Variants in KIRREL3 observed in about 807,000 individuals in gnomAD.
KIRREL3 encodes the protein kirre like nephrin family adhesion molecule 3.
Under a neutral mutation model 89.7 loss-of-function variants are expected in KIRREL3, and 36 were observed. The ratio of observed to expected loss-of-function variants is 0.40; its 90% CI spans 0.31 to 0.53. The LOEUF (loss-of-function observed/expected upper bound fraction) is 0.53, where lower values mean the gene tolerates loss of function less well. Among genes scored for constraint, KIRREL3 ranks in the 20% least tolerant of loss-of-function variants. The probability of loss-of-function intolerance (pLI) is 0.49; values close to 1 mark genes in which losing one functional copy is unlikely to be tolerated. For missense variants in KIRREL3, 864 were observed against 1,056.6 expected, an observed-to-expected ratio of 0.82 and a Z score of 2.53; for synonymous variants, 445 against 441.4, an observed-to-expected ratio of 1.01 and a Z score of -0.10.
At chr11:126,849,540 G>A (rs1230361083) in intron 1 of KIRREL3, among the ~76,000 whole-genome samples, 2 of 152,190 alleles carry the variant, frequency 1.3e-5, no homozygotes, top group Non-Finnish European at 2.9e-5. Flanking sequence ...TTTGGGAAAG[G>A]AATGGGGTCC....
At position 126,890,776 on chromosome 11, in the gene KIRREL3, G is replaced by A. The variant is rs113740728; in HGVS notation, c.55+109679C>T. Among the ~76,000 whole-genome samples, 16 of 152,334 alleles carry A rather than the reference G, an allele frequency of 1.1e-4. No individual in the cohort carries two copies. Among genetic ancestry groups the A allele is most frequent in the African/African-American group, 3.8e-4 (16 of 41,574 alleles). On this transcript the variant is annotated intron_variant, in intron 1 of 16. Transcript: ENST00000525144. This position sits in a 1 kb window ranked among gnomAD's most constrained non-coding sequence, Gnocchi z 5.1. Reference sequence around the variant, plus strand: ...CAAACATGAGCGTCCCCCAGTCCCAGCACCACAGCGGCCTGCCTGTGCCCA... The same window carrying A: ...CAAACATGAGCGTCCCCCAGTCCCAACACCACAGCGGCCTGCCTGTGCCCA...
chr11:126,479,729 G>A (rs991972336), intron 4 of KIRREL3, among the ~76,000 whole-genome samples: 1 of 152,146 alleles, frequency 6.6e-6, no homozygotes, highest in Non-Finnish European at 1.5e-5. Flanking sequence ...CCCCGGGGCC[G>A]GCCAGAGAAA....
At chr11:126,711,823 C>G (rs373153432) in intron 1 of KIRREL3, among the ~76,000 whole-genome samples, 29 of 152,184 alleles carry the variant, frequency 1.9e-4, no homozygotes, top group African/African-American at 6.5e-4. Flanking sequence ...GCCACAGAGC[C>G]TCCCCTCCCA....
rs75763317 is a variant in KIRREL3 at position 126,492,492 on chromosome 11, G to T, written c.434-19026C>A. Among the ~76,000 whole-genome samples the T allele has an allele frequency of 6.6e-6, 1 of 152,118 alleles. No individual in the cohort carries two copies. The highest frequency in any genetic ancestry group is 2.4e-5 in the African/African-American group (1 of 41,420). The stretch of plus-strand genomic sequence containing the variant: ...CCCTGTCCGTCCAGTTCTGAGAGGT[G>T]TTTCTATCTGTAGGGGCCGAGGGGC... On this transcript the variant is annotated intron_variant, in intron 4 of 16. Coordinates refer to ENST00000525144, the MANE Select transcript of KIRREL3 (RefSeq NM_032531.4). This position sits in a 1 kb window ranked among gnomAD's most constrained non-coding sequence, Gnocchi z 4.8.
In KIRREL3 at chr11:126,681,390, C is replaced by T. The variant is rs576938489; in HGVS notation, c.56-118478G>A. Among the ~76,000 whole-genome samples, 20 of 152,220 alleles carry T rather than the reference C, an allele frequency of 1.3e-4. No homozygotes were observed. The South Asian group carries it at 4.2e-3, about 32-fold the overall frequency. On this transcript the variant is annotated intron_variant, in intron 1 of 16. Coordinates refer to ENST00000525144, the MANE Select transcript of KIRREL3 (RefSeq NM_032531.4). ...TTCTGAGTTTTATTTATGTTATTGC[C>T]TACAGTCATCAGGGGAGCACGAAGC... is the stretch of plus-strand genomic sequence containing the variant.
intron 5 of KIRREL3, among the ~76,000 whole-genome samples, chr11:126,466,121 C>T (rs967218455): frequency 3.3e-5 from 5 of 152,168 alleles, no homozygotes; most frequent in African/African-American, 1.2e-4. Context: ...CTGACTGCTC[C>T]CCCTCCTCCC....
In KIRREL3 at chr11:126,912,146, G is replaced by A. The variant is rs1404915434; in HGVS notation, c.55+88309C>T. ...CCTAGATGTCGTGAATCAAGCCTCT[G>A]GCAAGGACAGCGCAGTGACCAACCC... On this transcript the variant is annotated intron_variant, in intron 1 of 16. Coordinates refer to ENST00000525144, the MANE Select transcript of KIRREL3 (RefSeq NM_032531.4). This position sits in a 1 kb window ranked among gnomAD's most constrained non-coding sequence, Gnocchi z 4.7. Among the ~76,000 whole-genome samples the A allele has an allele frequency of 1.3e-5, 2 of 152,056 alleles. No individual in the cohort carries two copies. Among genetic ancestry groups the A allele is most frequent in the African/African-American group, 2.4e-5 (1 of 41,434 alleles).
At position 126,766,087 on chromosome 11, in the gene KIRREL3, C is replaced by T. The variant is rs1417673536; in HGVS notation, c.56-203175G>A. ...TCCCATAACTCACTGCTTTTGCCAGCCCTCCTGGGATGGTATCTAGTATCG... is the reference window on the plus strand; with the variant it reads ...TCCCATAACTCACTGCTTTTGCCAGTCCTCCTGGGATGGTATCTAGTATCG... On this transcript the variant is annotated intron_variant, in intron 1 of 16. Transcript: ENST00000525144. This position sits in a 1 kb window ranked among gnomAD's most constrained non-coding sequence, Gnocchi z 4.2. Among the ~76,000 whole-genome samples the T allele has an allele frequency of 6.6e-6, 1 of 152,056 alleles. No homozygotes were observed. The highest frequency in any genetic ancestry group is 1.9e-4 in the East Asian group (1 of 5,186).
rs1353724713 is a variant in KIRREL3 at position 126,734,156 on chromosome 11, C to T, written c.56-171244G>A. Among the ~76,000 whole-genome samples, 1 of 152,172 alleles carries T rather than the reference C, an allele frequency of 6.6e-6. No homozygotes were observed. Among genetic ancestry groups the T allele is most frequent in the Non-Finnish European group, 1.5e-5 (1 of 68,040 alleles). The stretch of plus-strand genomic sequence containing the variant: ...ACACTGGAGTTTGGGAAGCACTGCA[C>T]TAATGGAAATCAATTAGTGGATGTA... On this transcript the variant is annotated intron_variant, in intron 1 of 16. Coordinates refer to ENST00000525144, the MANE Select transcript of KIRREL3 (RefSeq NM_032531.4). The surrounding 1 kb of genome is among the most constrained non-coding windows in gnomAD (Gnocchi z 5.9).
intron 1 of KIRREL3, among the ~76,000 whole-genome samples, chr11:126,758,115 G>A (rs1949563226): frequency 1.3e-5 from 2 of 152,190 alleles, no homozygotes; most frequent in Admixed American, 6.5e-5. Context: ...TTACTTAGTT[G>A]AGCTCTCCGA....
At chr11:126,871,270 C>T (rs899147167) in intron 1 of KIRREL3, among the ~76,000 whole-genome samples, 14 of 152,070 alleles carry the variant, frequency 9.2e-5, no homozygotes, top group Middle Eastern at 3.2e-3. Flanking sequence ...ACTTCTAAGT[C>T]TGAGTGGGGA....
At chr11:126,785,636 G>A (rs1950464203) in intron 1 of KIRREL3, among the ~76,000 whole-genome samples, 1 of 151,996 alleles carries the variant, frequency 6.6e-6, no homozygotes, top group South Asian at 2.1e-4. Context: ...CCAGCACTTC[G>A]GGAGGCTGAG....
rs570272100 is a variant in KIRREL3 at position 126,995,140 on chromosome 11, G to A, written c.55+5315C>T. On this transcript the variant is annotated intron_variant, in intron 1 of 16. Transcript: ENST00000525144. This position sits in a 1 kb window ranked among gnomAD's most constrained non-coding sequence, Gnocchi z 6.5. ...CTGGCTTTGCTGCTCACTCCCTTAC[G>A]AATAGCTGTGATGGGATATGAAATC... The A allele has an allele frequency of 1.1e-5, 5 of 454,596 alleles. No individual in the cohort carries two copies. The highest frequency in any genetic ancestry group is 2.0e-5 in the African/African-American group (1 of 49,950). The allele number at this position is 454,596 out of a possible 1,614,324, so 28.2% of individuals were successfully genotyped here. A position where few individuals can be genotyped will look rare whatever the true frequency, so the allele number is the denominator to read the frequency against.
chr11:126,431,106 A>G lies in KIRREL3; in HGVS notation c.1696+313T>C, dbSNP rs139819765. 222 of 1,405,502 alleles carry G rather than the reference A, an allele frequency of 1.6e-4. 1 individual carries two copies. In the East Asian group the frequency reaches 5.7e-3, roughly 36 times the overall value. 87.1% of individuals were successfully genotyped at this position (1,405,502 alleles called of 1,614,324 possible). A position where few individuals can be genotyped will look rare whatever the true frequency, so the allele number is the denominator to read the frequency against. The stretch of plus-strand genomic sequence containing the variant: ...CTTGTAGAGCAAGGATCAAACCACA[A>G]ACCGCTTTTCCCCCTATCTTTCTGT... On this transcript the variant is annotated intron_variant, in intron 14 of 16. Coordinates refer to ENST00000525144, the MANE Select transcript of KIRREL3 (RefSeq NM_032531.4). This position sits in a 1 kb window ranked among gnomAD's most constrained non-coding sequence, Gnocchi z 7.1.
chr11:126,602,342 C>G (rs1156381960), intron 1 of KIRREL3, among the ~76,000 whole-genome samples: 1 of 152,198 alleles, frequency 6.6e-6, no homozygotes, highest in East Asian at 1.9e-4. Flanking sequence ...TAGCTCTTCT[C>G]CCAGAAGTCT....
chr11:126,731,766 A>G (rs1049953411), intron 1 of KIRREL3, among the ~76,000 whole-genome samples: 1 of 152,264 alleles, frequency 6.6e-6, no homozygotes, highest in Non-Finnish European at 1.5e-5. Context: ...AACAACAAGA[A>G]ACTAATCACA....
chr11:126,958,918 G>A (rs141343123), intron 1 of KIRREL3, among the ~76,000 whole-genome samples: 1 of 152,286 alleles, frequency 6.6e-6, no homozygotes, highest in African/African-American at 2.4e-5. Context: ...GTGTGTCTGT[G>A]AGGATGTTTT....
intron 1 of KIRREL3, among the ~76,000 whole-genome samples, chr11:126,580,748 G>A (rs1046603989): frequency 3.3e-5 from 5 of 152,004 alleles, no homozygotes; most frequent in African/African-American, 1.2e-4. Flanking sequence ...TCTGATTCAG[G>A]AAGGAAGAAC....
chr11:126,937,716 A>T (rs141320009), intron 1 of KIRREL3, among the ~76,000 whole-genome samples: 1 of 151,732 alleles, frequency 6.6e-6, no homozygotes. Context: ...TGGCTAACAC[A>T]GTGAAACCCC....
Sources: allele counts gnomAD v4.1 joint callset (sites outside exome capture counted in the v4.1 genomes callset), GRCh38; gene constraint gnomAD v4.1.1; non-coding constraint Gnocchi (gnomAD v3.1); transcripts MANE v1.5; gene names NCBI Gene and HGNC (gene_info 2026-07-23, HGNC 2026-07-21).